HLA-DQB2: variants seen among roughly 807,000 people sequenced by gnomAD.
HLA-DQB2 encodes the protein major histocompatibility complex, class II, DQ beta 2, also known as HLA class II histocompatibility antigen, DQ beta 2 chain.
HLA-DQB2 carries 24 observed loss-of-function variants against 29.2 expected under a neutral mutation model. The ratio of observed to expected loss-of-function variants is 0.82; its 90% CI spans 0.60 to 1.16. The LOEUF (loss-of-function observed/expected upper bound fraction) is 1.16. Ranked by LOEUF, HLA-DQB2 falls within the 50% of genes most tolerant of loss-of-function variation. The pLI, the probability that HLA-DQB2 is intolerant of heterozygous loss-of-function variation, is 0.00. For synonymous variants in HLA-DQB2, 104 were observed against 133.1 expected (o/e 0.78, Z 1.51); for missense variants, 273 against 343.6 (o/e 0.79, Z 1.62).
chr6:32,756,382 G>A lies in HLA-DQB2; in HGVS notation c.*71C>T. The A allele has an allele frequency of 1.0e-6, 1 of 953,604 alleles. No homozygotes were observed. The allele number at this position is 953,604 out of a possible 1,614,324, so 59.1% of individuals were successfully genotyped here. A position where few individuals can be genotyped will look rare whatever the true frequency, so the allele number is the denominator to read the frequency against. On this transcript the variant is annotated 3_prime_UTR_variant, in exon 6 of 6. Coordinates refer to ENST00000437316, the MANE Select transcript of HLA-DQB2 (RefSeq NM_001300790.2). Reference sequence around the variant, plus strand: ...TGGGACAGGGTGACACAGGCAGCTAGGAATTCTGGGCAGGGGCAGGTGGGC... The same window carrying A: ...TGGGACAGGGTGACACAGGCAGCTAAGAATTCTGGGCAGGGGCAGGTGGGC...
At chr6:32,757,206 G>A (rs1307352095) in intron 5 of HLA-DQB2, 75 bp downstream of exon 5, 16 of 1,546,690 alleles carry the variant, frequency 1.0e-5, no homozygotes, top group Non-Finnish European at 1.4e-5. Flanking sequence ...TTTTAGTAGA[G>A]ATGCGGTTTC....
Position 32,757,844 on chromosome 6 carries a change from C to CAT in HLA-DQB2, c.685_686insAT (p.Gly229AspfsTer10), listed in dbSNP as rs1208445816. On this transcript the variant is annotated frameshift_variant, in exon 4 of 6. Transcript: ENST00000437316. LOFTEE classifies it high-confidence loss of function. Reference sequence around the variant, plus strand: ...CAGCCCCAGCACGAAGCCTCCAATGCCACTCAGCATCTTGCTCTGGGCAGA... The same window carrying CAT: ...CAGCCCCAGCACGAAGCCTCCAATGCATCACTCAGCATCTTGCTCTGGGCAGA... 8 of 1,613,716 alleles carry CAT rather than the reference C, an allele frequency of 5.0e-6. No individual in the cohort carries two copies. Among genetic ancestry groups the CAT allele is most frequent in the Non-Finnish European group, 2.5e-6 (3 of 1,179,802 alleles).
Position 32,763,473 on chromosome 6 carries a change from T to A in HLA-DQB2, c.-3A>T. Reference sequence around the variant, plus strand: ...CCTCCAGGGATCTGCAGAGCCATCTTCCAAGACGTAAGTGAGACCAAGGAA... The same window carrying A: ...CCTCCAGGGATCTGCAGAGCCATCTACCAAGACGTAAGTGAGACCAAGGAA... On this transcript the variant is annotated 5_prime_UTR_variant, in exon 1 of 6. Transcript: ENST00000437316. 1 of 1,551,594 alleles carries A rather than the reference T, an allele frequency of 6.4e-7. No homozygotes were observed. The highest frequency in any genetic ancestry group is 8.7e-7 in the Non-Finnish European group (1 of 1,145,994).
chr6:32,763,188 A>C (rs1426081660), intron 1 of HLA-DQB2, among the ~76,000 whole-genome samples, 186 bp downstream of exon 1: 1 of 151,380 alleles, frequency 6.6e-6, no homozygotes, highest in Non-Finnish European at 1.5e-5. Flanking sequence ...TTGGGGTTGG[A>C]TTATCCTCAC....
intron 2 of HLA-DQB2, among the ~76,000 whole-genome samples, chr6:32,760,042 G>A (rs1372427516): frequency 1.3e-5 from 2 of 152,088 alleles, no homozygotes; most frequent in Admixed American, 1.3e-4. Flanking sequence ...AAGACTGAAA[G>A]TAAAAATAGA....
chr6:32,758,052 A>G (rs879236489), intron 3 of HLA-DQB2, among the ~76,000 whole-genome samples, 169 bp from the exon 4 acceptor site: 11 of 152,234 alleles, frequency 7.2e-5, no homozygotes, highest in Admixed American at 7.2e-4. Context: ...GAGAGGAAGA[A>G]GCACACCCCT....
At chr6:32,756,771 T>A in intron 5 of HLA-DQB2, 2 of 1,249,690 alleles carry the variant, frequency 1.6e-6, no homozygotes, top group Non-Finnish European at 2.0e-6. Context: ...TTTTAGTCAC[T>A]GAAAATGCCT....
chr6:32,758,779 G>A, intron 3 of HLA-DQB2, 71 bp downstream of exon 3: 1 of 1,537,000 alleles, frequency 6.5e-7, no homozygotes, highest in South Asian at 1.2e-5. Flanking sequence ...AGATGGGATG[G>A]GAAGGATCAG....
chr6:32,761,505 C>G (rs557842563), intron 2 of HLA-DQB2, among the ~76,000 whole-genome samples, 155 bp downstream of exon 2: 14 of 152,218 alleles, frequency 9.2e-5, no homozygotes, highest in African/African-American at 1.7e-4. Flanking sequence ...CCCGCCCCTC[C>G]GATACTACCC....
intron 1 of HLA-DQB2, among the ~76,000 whole-genome samples, chr6:32,762,703 A>G (rs1764958665): frequency 6.6e-6 from 1 of 152,224 alleles, no homozygotes; most frequent in Non-Finnish European, 1.5e-5. Context: ...AGGAGGAGTG[A>G]GAGAGGATTT....
chr6:32,757,889 G>T lies in HLA-DQB2; in HGVS notation c.647-6C>A. ...GGCAGATTCAGACTGAGCCCCTAAGGAGCAGAACTGAGTGTGAGTGTTTGT... is the reference window on the plus strand; with the variant it reads ...GGCAGATTCAGACTGAGCCCCTAAGTAGCAGAACTGAGTGTGAGTGTTTGT... On this transcript the variant is annotated splice_polypyrimidine_tract_variant and splice_region_variant and intron_variant, in intron 3 of 5. Transcript: ENST00000437316. 1 of 1,457,946 alleles carries T rather than the reference G, an allele frequency of 6.9e-7. No homozygotes were observed. The allele number at this position is 1,457,946 out of a possible 1,614,324, so 90.3% of individuals were successfully genotyped here.
Position 32,761,828 on chromosome 6 carries a change from C to T in HLA-DQB2, c.196G>A (p.Gly66Arg), listed in dbSNP as rs1316020684. 1.2e-6 allele frequency: 2 copies of T among 1,606,146 alleles called. No homozygotes were observed. The highest frequency in any genetic ancestry group is 1.7e-6 in the Non-Finnish European group (2 of 1,176,316). ...ARYIYNREEY[G>R]RFDSDVGEFQ... ...TCCCCAACGTCGCTGTCGAAGCGCC[C>T]GTACTCCTCGCGGTTATAGATGTAT... Residue 66 changes from glycine (G) to arginine (R), a missense_variant, in exon 2 of 6, where the codon GGG becomes AGG. Physicochemically the swap from Gly to Arg is moderately radical, Grantham distance 125. Transcript: ENST00000437316.
At chr6:32,757,666 T>G in intron 4 of HLA-DQB2, 107 bp downstream of exon 4, 1 of 1,003,004 alleles carries the variant, frequency 1.0e-6, no homozygotes, top group East Asian at 2.8e-5. Context: ...CTCCTCGCAC[T>G]TCCTCTCAGG....
In HLA-DQB2 at chr6:32,758,934, G is replaced by C. The variant is rs1764517473; in HGVS notation, c.562C>G (p.Leu188Val). 1 of 1,614,012 alleles carries C rather than the reference G, an allele frequency of 6.2e-7. No individual in the cohort carries two copies. The highest frequency in any genetic ancestry group is 2.2e-5 in the East Asian group (1 of 44,882). ...GDWTFQILVM[L>V]EITPQRGDIY... ...TCTCCACGCTGGGGAGTTATTTCCAGCATCACCAGAATCTGGAAGGTCCAG... is the reference window on the plus strand; with the variant it reads ...TCTCCACGCTGGGGAGTTATTTCCACCATCACCAGAATCTGGAAGGTCCAG... The change falls in exon 3 of 6, where the codon CTG (leucine) becomes GTG (valine). Residue 188 changes from leucine to valine, a missense_variant. By Grantham distance (32) the Leu-to-Val change is conservative. Coordinates refer to ENST00000437316, the MANE Select transcript of HLA-DQB2 (RefSeq NM_001300790.2).
intron 2 of HLA-DQB2, among the ~76,000 whole-genome samples, chr6:32,760,121 A>G (rs1350577943): frequency 1.5e-5 from 2 of 133,140 alleles, no homozygotes; most frequent in African/African-American, 2.8e-5. Context: ...TGGCAAAAAT[A>G]TAAATAATTG....
intron 5 of HLA-DQB2, 103 bp from the exon 6 acceptor site, chr6:32,756,569 A>G: frequency 6.6e-7 from 1 of 1,524,544 alleles, no homozygotes; most frequent in Non-Finnish European, 8.8e-7. Context: ...GAGGATGCTG[A>G]GGTCCAGGGC....
chr6:32,756,699 T>A, intron 5 of HLA-DQB2: 3 of 1,327,884 alleles, frequency 2.3e-6, no homozygotes, highest in Non-Finnish European at 2.9e-6. Flanking sequence ...TTCTGGGTAA[T>A]ATGAAGAGTT....
chr6:32,763,364 C>A lies in HLA-DQB2; in HGVS notation c.97+10G>T. The A allele has an allele frequency of 1.3e-6, 2 of 1,529,786 alleles. No homozygotes were observed. The highest frequency in any genetic ancestry group is 2.4e-5 in the East Asian group (1 of 41,528). The allele number at this position is 1,529,786 out of a possible 1,614,324, so 94.8% of individuals were successfully genotyped here. ...GTGGTGGCTCTCGAGAGCAGCTGCC[C>A]TGCACTTACTGGGAAAGTCTCTGGC... On this transcript the variant is annotated intron_variant, in intron 1 of 5. Transcript: ENST00000437316.
rs538458204 is a variant in HLA-DQB2, at chr6:32,763,271, G to T, written c.97+103C>A. On this transcript the variant is annotated intron_variant, in intron 1 of 5. Transcript: ENST00000437316. ...CCAAAAAGAATAAATGGTGATAAAA[G>T]ACTGTGTTCTGAGATCATGGAGATC... 5.0e-5 allele frequency: 33 copies of T among 660,536 alleles called. No individual in the cohort carries two copies. The South Asian group carries it at 5.3e-4, about 11-fold the overall frequency. The allele number at this position is 660,536 out of a possible 1,614,324, so 40.9% of individuals were successfully genotyped here. A position where few individuals can be genotyped will look rare whatever the true frequency, so the allele number is the denominator to read the frequency against.
Sources: gnomAD v4.1 joint callset for allele counts (sites outside exome capture counted in the v4.1 genomes callset) on GRCh38, gnomAD v4.1.1 for gene constraint, MANE v1.5 for transcripts, NCBI Gene and HGNC (gene_info 2026-07-23, HGNC 2026-07-21) for gene names.